IQCH: variants seen among roughly 807,000 people sequenced by gnomAD.
IQCH encodes the protein IQ motif containing H.
IQCH carries 98 observed loss-of-function variants against 117.0 expected under a neutral mutation model. The observed-to-expected ratio is 0.84, with a 90% confidence interval of 0.71 to 0.99. IQCH has a LOEUF of 0.99. Ranked by LOEUF, IQCH falls within the 50% of genes least tolerant of loss-of-function variation. The pLI, the probability that IQCH is intolerant of heterozygous loss-of-function variation, is 0.00. For synonymous variants in IQCH, 412 were observed against 448.2 expected, an observed-to-expected ratio of 0.92 and a Z score of 1.02; for missense variants, 1,102 against 1,243.8, an observed-to-expected ratio of 0.89 and a Z score of 1.72.
intron 5 of IQCH, 139 bp downstream of exon 5, chr15:67,337,234 T>C (rs1387263284): frequency 2.5e-6 from 2 of 802,838 alleles, no homozygotes; most frequent in African/African-American, 1.7e-5. Context: ...GTCCTCACTC[T>C]GGTCTGAGTT....
Position 67,436,731 on chromosome 15 carries a change from C to T in IQCH, c.2505+15154C>T, listed in dbSNP as rs1042457743. On this transcript the variant is annotated intron_variant, in intron 16 of 20. Coordinates refer to ENST00000335894, the MANE Select transcript of IQCH (RefSeq NM_001031715.3). This position sits in a 1 kb window ranked among gnomAD's most constrained non-coding sequence, Gnocchi z 5.1. The stretch of plus-strand genomic sequence containing the variant: ...TGGAGAGGCATGGTGGGAGTGAGAC[C>T]GGCCCTTTGGTTTGCATGGGAGCTG... Among the ~76,000 whole-genome samples, 9 of 152,076 alleles carry T rather than the reference C, an allele frequency of 5.9e-5. No homozygotes were observed. The highest frequency in any genetic ancestry group is 7.2e-5 in the African/African-American group (3 of 41,418).
chr15:67,442,799 AGTG>A (rs2082302666), intron 16 of IQCH, among the ~76,000 whole-genome samples: 1 of 151,806 alleles, frequency 6.6e-6, no homozygotes, highest in Non-Finnish European at 1.5e-5. Context: ...TCAATCAACA[AGTG>A]GATAAAGAAA....
Position 67,359,743 on chromosome 15 carries a change from G to T in IQCH, c.715-104G>T. On this transcript the variant is annotated intron_variant, in intron 7 of 20. Transcript: ENST00000335894. The surrounding 1 kb of genome is among the most constrained non-coding windows in gnomAD (Gnocchi z 4.5). ...GAAAGAGAGAACAGGCTGGCCCAGCGGGTAAAATGGGGAAGGGGGTGAGGC... is the reference window on the plus strand; with the variant it reads ...GAAAGAGAGAACAGGCTGGCCCAGCTGGTAAAATGGGGAAGGGGGTGAGGC... 1.0e-6 allele frequency: 1 copy of T among 959,960 alleles called. No homozygotes were observed. 59.5% of individuals were successfully genotyped at this position (959,960 alleles called of 1,614,324 possible).
chr15:67,399,066 G>A (rs193052441), intron 13 of IQCH, among the ~76,000 whole-genome samples: 1 of 152,030 alleles, frequency 6.6e-6, no homozygotes, highest in South Asian at 2.1e-4. Context: ...GGCTTCTCTT[G>A]CTCCTCTTCT....
intron 6 of IQCH, among the ~76,000 whole-genome samples, chr15:67,354,255 A>T (rs1969792679): frequency 6.6e-6 from 1 of 152,204 alleles, no homozygotes; most frequent in Non-Finnish European, 1.5e-5. Flanking sequence ...TGTTCATCAT[A>T]ATCAAGGAAA....
intron 3 of IQCH, among the ~76,000 whole-genome samples, chr15:67,266,196 A>G (rs1470735127): frequency 2.0e-5 from 3 of 151,088 alleles, no homozygotes; most frequent in African/African-American, 7.3e-5. Context: ...CAACATATAA[A>G]TTTTTAGTAA....
At chr15:67,338,205 G>A (rs201785932) in intron 5 of IQCH, among the ~76,000 whole-genome samples, 58 of 105,634 alleles carry the variant, frequency 5.5e-4, no homozygotes, top group African/African-American at 7.1e-4. Flanking sequence ...ATATCTGTCT[G>A]TCTATCTATC....
rs1271383104 is a variant in IQCH, at chr15:67,417,777, T to C, written c.2218+726T>C. On this transcript the variant is annotated intron_variant, in intron 15 of 20. Coordinates refer to ENST00000335894, the MANE Select transcript of IQCH (RefSeq NM_001031715.3). This position sits in a 1 kb window ranked among gnomAD's most constrained non-coding sequence, Gnocchi z 4.3. ...CAACGGCCCTCAGTCTCTAGGAGGT[T>C]ACAGTGCAAGACATCTTACATGCTT... 1.3e-5 allele frequency among the ~76,000 whole-genome samples: 2 copies of C among 152,198 alleles called. No homozygotes were observed. The highest frequency in any genetic ancestry group is 3.9e-4 in the East Asian group (2 of 5,178).
chr15:67,357,533 G>A, intron 7 of IQCH, 112 bp downstream of exon 7: 1 of 724,158 alleles, frequency 1.4e-6, no homozygotes, highest in Non-Finnish European at 2.5e-6. Context: ...AGAAATAAGT[G>A]CTATTTCAGC....
chr15:67,473,145 A>G lies in IQCH; in HGVS notation c.2677-2551A>G, dbSNP rs1172305829. Among the ~76,000 whole-genome samples the G allele has an allele frequency of 6.6e-6, 1 of 152,190 alleles. No homozygotes were observed. The highest frequency in any genetic ancestry group is 6.5e-5 in the Admixed American group (1 of 15,284). ...AGAAGACAAAAATAACCTTGGAATT[A>G]TCTTGTGAATTCATGGCAATTACCA... On this transcript the variant is annotated intron_variant, in intron 17 of 20. Coordinates refer to ENST00000335894, the MANE Select transcript of IQCH (RefSeq NM_001031715.3). The surrounding 1 kb of genome is among the most constrained non-coding windows in gnomAD (Gnocchi z 4.9).
At position 67,463,511 on chromosome 15, in the gene IQCH, A is replaced by T. The variant is rs1173350834; in HGVS notation, c.2506-1616A>T. ...CAGATCCCAACACCACCACTTCCTAACTCAGTGGATTTGGGTACCTCCCTG... is the reference window on the plus strand; with the variant it reads ...CAGATCCCAACACCACCACTTCCTATCTCAGTGGATTTGGGTACCTCCCTG... On this transcript the variant is annotated intron_variant, in intron 16 of 20. Transcript: ENST00000335894. This position sits in a 1 kb window ranked among gnomAD's most constrained non-coding sequence, Gnocchi z 4.0. 1.3e-5 allele frequency among the ~76,000 whole-genome samples: 2 copies of T among 152,094 alleles called. No homozygotes were observed. The highest frequency in any genetic ancestry group is 4.8e-5 in the African/African-American group (2 of 41,410).
chr15:67,391,637 C>G lies in IQCH; in HGVS notation c.1632+2631C>G, dbSNP rs989157285. On this transcript the variant is annotated intron_variant, in intron 12 of 20. Transcript: ENST00000335894. The surrounding 1 kb of genome is among the most constrained non-coding windows in gnomAD (Gnocchi z 4.3). Reference sequence around the variant, plus strand: ...TAAATGTAGCCATAATTCAATGGAACTAGACACATTTTAGATTTTGTCATC... The same window carrying G: ...TAAATGTAGCCATAATTCAATGGAAGTAGACACATTTTAGATTTTGTCATC... 9.9e-5 allele frequency among the ~76,000 whole-genome samples: 15 copies of G among 152,044 alleles called. No homozygotes were observed. Among genetic ancestry groups the G allele is most frequent in the African/African-American group, 3.6e-4 (15 of 41,398 alleles).
chr15:67,318,192 T>G (rs1252079735), intron 4 of IQCH, among the ~76,000 whole-genome samples: 1 of 152,212 alleles, frequency 6.6e-6, no homozygotes, highest in African/African-American at 2.4e-5. Flanking sequence ...TGTATGATCT[T>G]TCTCCCTTCG....
At chr15:67,415,102 G>A (rs573991782) in intron 14 of IQCH, among the ~76,000 whole-genome samples, 3 of 152,192 alleles carry the variant, frequency 2.0e-5, no homozygotes, top group African/African-American at 7.2e-5. Context: ...GGATTTGGGG[G>A]ACTGTTCAGA....
At chr15:67,282,077 AAGAC>A (rs1966382903) in intron 4 of IQCH, 1 of 164,322 alleles carries the variant, frequency 6.1e-6, no homozygotes, top group Non-Finnish European at 1.3e-5. Flanking sequence ...CTAGTGGGGA[AAGAC>A]AGACCATCAA....
At chr15:67,279,601 G>T in intron 4 of IQCH, 89 bp downstream of exon 4, 1 of 655,108 alleles carries the variant, frequency 1.5e-6, no homozygotes, top group Non-Finnish European at 2.7e-6. Context: ...ACTTTTAATG[G>T]GTATGAAGTT....
chr15:67,420,177 G>T (rs1044960565), intron 15 of IQCH, among the ~76,000 whole-genome samples: 41 of 152,124 alleles, frequency 2.7e-4, no homozygotes, highest in African/African-American at 9.7e-4. Context: ...CTCCAAAATC[G>T]GTTTTCCTTT....
chr15:67,317,710 A>T (rs905616906), intron 4 of IQCH, among the ~76,000 whole-genome samples: 4 of 152,230 alleles, frequency 2.6e-5, no homozygotes, highest in African/African-American at 9.6e-5. Flanking sequence ...AGGGTACCTT[A>T]CAAAATGCAT....
At position 67,447,482 on chromosome 15, in the gene IQCH, T is replaced by C. The variant is rs965847815; in HGVS notation, c.2506-17645T>C. 3.9e-5 allele frequency among the ~76,000 whole-genome samples: 6 copies of C among 152,142 alleles called. No homozygotes were observed. The highest frequency in any genetic ancestry group is 7.2e-5 in the African/African-American group (3 of 41,410). ...CCAAAAGGTTCCCTTATGATAAGCA[T>C]GTAGTACCTGGGACTCAACCCTCTA... On this transcript the variant is annotated intron_variant, in intron 16 of 20. Transcript: ENST00000335894. The surrounding 1 kb of genome is among the most constrained non-coding windows in gnomAD (Gnocchi z 5.3).
Sources: gnomAD v4.1 joint callset for allele counts (sites outside exome capture counted in the v4.1 genomes callset) on GRCh38, gnomAD v4.1.1 for gene constraint, Gnocchi (gnomAD v3.1) non-coding constraint, MANE v1.5 for transcripts, NCBI Gene and HGNC (gene_info 2026-07-23, HGNC 2026-07-21) for gene names.